The following ZBTB7C variants were observed in gnomAD, a reference collection of about 807,000 sequenced individuals.
ZBTB7C encodes zinc finger and BTB domain-containing protein 7C.
A neutral mutation model predicts 25.7 loss-of-function variants in ZBTB7C; 8 were observed. That is an observed-to-expected ratio of 0.31 (90% CI 0.18 to 0.56). ZBTB7C has a LOEUF of 0.56. ZBTB7C is among the 20% of genes least tolerant of loss of function. The probability of loss-of-function intolerance (pLI) is 0.91; values close to 1 mark genes in which losing one functional copy is unlikely to be tolerated. For missense variants in ZBTB7C, 824 were observed against 855.2 expected (o/e 0.96, Z 0.46); for synonymous variants, 394 against 369.0 (o/e 1.07, Z -0.78).
intron 3 of ZBTB7C, among the ~76,000 whole-genome samples, chr18:48,046,937 A>G (rs2036497663): frequency 6.6e-6 from 1 of 152,152 alleles, no homozygotes; most frequent in African/African-American, 2.4e-5. Flanking sequence ...GTGACCCTGG[A>G]CTTGAAGGCT....
At chr18:48,406,018 C>T (rs1044136563) in intron 1 of ZBTB7C, among the ~76,000 whole-genome samples, 2 of 152,154 alleles carry the variant, frequency 1.3e-5, no homozygotes, top group African/African-American at 4.8e-5. Flanking sequence ...GGGACACAGT[C>T]ATCCTGGGGA....
chr18:48,093,354 C>T (rs1206326314), intron 3 of ZBTB7C, among the ~76,000 whole-genome samples: 1 of 152,214 alleles, frequency 6.6e-6, no homozygotes, highest in East Asian at 1.9e-4. Context: ...GGCAGGGCAG[C>T]CCCCAACATG....
intron 3 of ZBTB7C, among the ~76,000 whole-genome samples, chr18:48,077,769 A>T (rs758015898): frequency 1.3e-4 from 20 of 152,152 alleles, no homozygotes; most frequent in South Asian, 1.0e-3. Context: ...TCTTATCATC[A>T]TCACCTCTCA....
Position 48,053,322 on chromosome 18 carries a change from C to G in ZBTB7C, c.-16-12199G>C, listed in dbSNP as rs564860066. 3.3e-5 allele frequency among the ~76,000 whole-genome samples: 5 copies of G among 152,200 alleles called. No individual in the cohort carries two copies. In the South Asian group the frequency reaches 1.0e-3, roughly 32 times the overall value. ...TTGCATGCGCGGGTTGGGGAATGGACAGGAACACAACTCATTCTCCCATAA... is the reference window on the plus strand; with the variant it reads ...TTGCATGCGCGGGTTGGGGAATGGAGAGGAACACAACTCATTCTCCCATAA... On this transcript the variant is annotated intron_variant, in intron 3 of 4. Coordinates refer to ENST00000590800, the MANE Select transcript of ZBTB7C (RefSeq NM_001318841.2).
At position 48,253,001 on chromosome 18, in the gene ZBTB7C, T is replaced by C. The variant is rs535503296; in HGVS notation, c.-78-67006A>G. On this transcript the variant is annotated intron_variant, in intron 2 of 4. Transcript: ENST00000590800. ...GGAAGACATACATATACAAAGTCAA[T>C]ATTGAAAAGATTGTATAGACCTATA... Among the ~76,000 whole-genome samples the C allele has an allele frequency of 2.0e-5, 3 of 152,210 alleles. No homozygotes were observed. The South Asian group carries it at 6.2e-4, about 32-fold the overall frequency.
At chr18:48,344,163 TA>T (rs1277892550) in intron 1 of ZBTB7C, among the ~76,000 whole-genome samples, 1 of 152,186 alleles carries the variant, frequency 6.6e-6, no homozygotes, top group East Asian at 1.9e-4. Context: ...TTTGTATTTT[TA>T]GTAGAGACGG....
At chr18:48,057,844 G>T (rs950602194) in intron 3 of ZBTB7C, among the ~76,000 whole-genome samples, 4 of 152,192 alleles carry the variant, frequency 2.6e-5, no homozygotes, top group African/African-American at 9.7e-5. Context: ...AGGGAGAAAT[G>T]GATGAAAACA....
chr18:48,178,050 C>A (rs2145075004), intron 3 of ZBTB7C, among the ~76,000 whole-genome samples: 1 of 150,586 alleles, frequency 6.6e-6, no homozygotes, highest in African/African-American at 2.5e-5. Flanking sequence ...CTCCTTGCCC[C>A]TTTAGTGCCC....
rs553813723 is a variant in ZBTB7C, at chr18:48,234,278, C to T, written c.-78-48283G>A. On this transcript the variant is annotated intron_variant, in intron 2 of 4. Transcript: ENST00000590800. The stretch of plus-strand genomic sequence containing the variant: ...TTCATAGTAAGATGTTTTATAATAT[C>T]TATTATCTTAAACTATTTTACAGCC... Among the ~76,000 whole-genome samples the T allele has an allele frequency of 7.2e-5, 11 of 152,108 alleles. No homozygotes were observed. The South Asian group carries it at 1.5e-3, about 20-fold the overall frequency.
Position 48,029,626 on chromosome 18 carries a change from C to G in ZBTB7C, c.1494G>C (p.Pro498=). Residue 498 remains proline (P), a synonymous_variant, in exon 5 of 5, where the codon CCG becomes CCC. Coordinates refer to ENST00000590800, the MANE Select transcript of ZBTB7C (RefSeq NM_001318841.2). ...TCACGAAGGCCGCCTTGTCGGGGGC[C>G]GGGCCGCCGGGCCCGAAGAGCAGGC... ...AASLLFGPGG[P]APDKAAFVMP... 6.7e-7 allele frequency: 1 copy of G among 1,498,524 alleles called. No homozygotes were observed. The highest frequency in any genetic ancestry group is 1.4e-5 in the African/African-American group (1 of 70,938). The allele number at this position is 1,498,524 out of a possible 1,614,324, so 92.8% of individuals were successfully genotyped here.
At chr18:48,119,127 C>T (rs945419146) in intron 3 of ZBTB7C, among the ~76,000 whole-genome samples, 7 of 152,062 alleles carry the variant, frequency 4.6e-5, no homozygotes, top group African/African-American at 1.7e-4. Context: ...ACGGTGGGTC[C>T]CAAGACTCTG....
chr18:48,237,247 G>A (rs78616403), intron 2 of ZBTB7C, among the ~76,000 whole-genome samples: 5,627 of 152,226 alleles, frequency 0.037, 184 homozygotes, highest in African/African-American at 0.086. Flanking sequence ...ACAGCACAGA[G>A]CAGAGATCAC....
At chr18:48,186,926 C>T (rs1230580535) in intron 2 of ZBTB7C, among the ~76,000 whole-genome samples, 1 of 152,170 alleles carries the variant, frequency 6.6e-6, no homozygotes, top group Non-Finnish European at 1.5e-5. Context: ...GGGACAAATT[C>T]GACATGACTG....
At chr18:48,394,273 C>T (rs1187939791) in intron 1 of ZBTB7C, among the ~76,000 whole-genome samples, 1 of 152,220 alleles carries the variant, frequency 6.6e-6, no homozygotes, top group Non-Finnish European at 1.5e-5. Context: ...AAATCAAGTG[C>T]TGCCTCTGGC....
At chr18:48,400,421 G>A (rs2048129524) in intron 1 of ZBTB7C, among the ~76,000 whole-genome samples, 1 of 152,244 alleles carries the variant, frequency 6.6e-6, no homozygotes, top group South Asian at 2.1e-4. Context: ...CCATAAAAGA[G>A]GAATGGTTCC....
intron 2 of ZBTB7C, among the ~76,000 whole-genome samples, chr18:48,222,036 G>T (rs977673847): frequency 4.7e-5 from 7 of 149,096 alleles, no homozygotes; most frequent in Non-Finnish European, 1.0e-4. Flanking sequence ...CCTCTAAACT[G>T]CCCTAGTCTT....
At chr18:48,251,917 A>G (rs925378382) in intron 2 of ZBTB7C, among the ~76,000 whole-genome samples, 3 of 152,044 alleles carry the variant, frequency 2.0e-5, no homozygotes, top group Admixed American at 1.3e-4. Context: ...TCTTTTGCCT[A>G]TTAAACCTCT....
intron 2 of ZBTB7C, among the ~76,000 whole-genome samples, chr18:48,313,218 C>T (rs1268367687): frequency 6.6e-6 from 1 of 152,254 alleles, no homozygotes; most frequent in East Asian, 1.9e-4. Flanking sequence ...TTGTGGCTGT[C>T]ATGCTCAGCT....
intron 2 of ZBTB7C, among the ~76,000 whole-genome samples, chr18:48,219,225 G>A (rs1309476478): frequency 6.6e-6 from 1 of 152,120 alleles, no homozygotes; most frequent in Non-Finnish European, 1.5e-5. Flanking sequence ...TCACTCCCGA[G>A]CTGCAGTGTC....
Sources: allele counts gnomAD v4.1 joint callset (sites outside exome capture counted in the v4.1 genomes callset), GRCh38; gene constraint gnomAD v4.1.1; transcripts MANE v1.5; gene names NCBI Gene and HGNC (gene_info 2026-07-23, HGNC 2026-07-21).